Variants in AIG1 observed in about 807,000 individuals in gnomAD.
AIG1 encodes the protein androgen-induced gene 1 protein.
In AIG1, 23 loss-of-function variants were observed where a neutral mutation model predicts 31.4. That is an observed-to-expected ratio of 0.73 (90% CI 0.53 to 1.04). The LOEUF is 1.04. Among genes scored for constraint, AIG1 ranks in the 50% least tolerant of loss-of-function variants. AIG1 has a pLI of 0.00. For missense variants in AIG1, 274 were observed against 295.0 expected, an observed-to-expected ratio of 0.93 and a Z score of 0.52; for synonymous variants, 100 against 110.5, an observed-to-expected ratio of 0.90 and a Z score of 0.60.
chr6:143,264,918 T>C (rs1260133646), intron 3 of AIG1, among the ~76,000 whole-genome samples: 1 of 152,218 alleles, frequency 6.6e-6, no homozygotes, highest in Non-Finnish European at 1.5e-5. Context: ...GGCTGTGTAC[T>C]GACATTTGCA....
At chr6:143,109,860 C>T (rs1247497938) in intron 1 of AIG1, among the ~76,000 whole-genome samples, 1 of 152,158 alleles carries the variant, frequency 6.6e-6, no homozygotes, top group African/African-American at 2.4e-5. Flanking sequence ...TTTTGATCAA[C>T]TGAAGTTCTT....
At chr6:143,146,382 C>G (rs2128538520) in intron 2 of AIG1, among the ~76,000 whole-genome samples, 1 of 152,112 alleles carries the variant, frequency 6.6e-6, no homozygotes, top group African/African-American at 2.4e-5. Context: ...TTATATATGC[C>G]CTTGTTTTGG....
Position 143,092,279 on chromosome 6 carries a change from ATTTTTTT to A in AIG1, c.141+31227_141+31233del, listed in dbSNP as rs760340815. Among the ~76,000 whole-genome samples, 7 of 117,672 alleles carry A rather than the reference ATTTTTTT, an allele frequency of 5.9e-5. No individual in the cohort carries two copies. The East Asian group carries it at 7.3e-4, about 12-fold the overall frequency. 77.2% of individuals were successfully genotyped at this position (117,672 alleles called of 152,430 possible). ...ATCACCATGCTGGGCTAATTTTTTG[ATTTTTTT>A]TTTTTTTTTTTTTGTAGAGACAGGG... is the stretch of plus-strand genomic sequence containing the variant. On this transcript the variant is annotated intron_variant, in intron 1 of 5. Coordinates refer to ENST00000357847, the MANE Select transcript of AIG1 (RefSeq NM_016108.4).
chr6:143,172,246 C>T lies in AIG1; in HGVS notation c.399+7063C>T, dbSNP rs9390061. ...GCATTTGCTTTTGGGTTCTTGGTCACGAAGCCTTTGCCTAAGCCAATGTCT... is the reference window on the plus strand; with the variant it reads ...GCATTTGCTTTTGGGTTCTTGGTCATGAAGCCTTTGCCTAAGCCAATGTCT... On this transcript the variant is annotated intron_variant, in intron 3 of 5. Transcript: ENST00000357847. Among the ~76,000 whole-genome samples the T allele has an allele frequency of 3.2e-3, 493 of 152,194 alleles. 14 individuals are homozygous for T. In the East Asian group the frequency reaches 0.062, roughly 19 times the overall value.
intron 3 of AIG1, among the ~76,000 whole-genome samples, chr6:143,206,952 T>A (rs1791156185): frequency 6.6e-6 from 1 of 152,154 alleles, no homozygotes; most frequent in South Asian, 2.1e-4. Flanking sequence ...TTCTCTTATA[T>A]TTCAGTGCCT....
intron 3 of AIG1, chr6:143,189,583 G>T (rs1428159759): frequency 1.0e-6 from 1 of 985,218 alleles, no homozygotes; most frequent in Non-Finnish European, 1.2e-6. Flanking sequence ...GGAAAGTTCT[G>T]ACAGGAAACT....
At chr6:143,071,974 T>C (rs753571967) in intron 1 of AIG1, among the ~76,000 whole-genome samples, 9 of 151,404 alleles carry the variant, frequency 5.9e-5, no homozygotes, top group Non-Finnish European at 8.8e-5. Flanking sequence ...TTTTTTTTTG[T>C]GCAGACAGGG....
At chr6:143,100,774 C>T (rs1042283099) in intron 1 of AIG1, among the ~76,000 whole-genome samples, 2 of 151,876 alleles carry the variant, frequency 1.3e-5, no homozygotes, top group Admixed American at 6.6e-5. Context: ...CAACCTATGC[C>T]TCCAGGTTCA....
chr6:143,253,164 C>T (rs1480497778), intron 3 of AIG1, among the ~76,000 whole-genome samples: 1 of 152,216 alleles, frequency 6.6e-6, no homozygotes, highest in Non-Finnish European at 1.5e-5. Context: ...GAATACCGAG[C>T]ACTTGGAATC....
intron 3 of AIG1, among the ~76,000 whole-genome samples, chr6:143,277,189 G>T (rs974096349): frequency 6.6e-6 from 1 of 152,098 alleles, no homozygotes. Context: ...AGATAAAAAT[G>T]TTCTCATTTT....
chr6:143,316,305 A>G (rs1395662939), intron 4 of AIG1, among the ~76,000 whole-genome samples: 1 of 152,148 alleles, frequency 6.6e-6, no homozygotes, highest in Admixed American at 6.6e-5. Flanking sequence ...GTACCAAGAA[A>G]GATCCCCTTT....
intron 3 of AIG1, among the ~76,000 whole-genome samples, chr6:143,199,017 G>T (rs1562483276): frequency 6.6e-6 from 1 of 152,162 alleles, no homozygotes; most frequent in Admixed American, 6.5e-5. Context: ...GGAAGGAAAT[G>T]AATCATGGAA....
intron 3 of AIG1, among the ~76,000 whole-genome samples, chr6:143,201,536 G>A (rs1583492056): frequency 6.6e-6 from 1 of 152,270 alleles, no homozygotes; most frequent in Non-Finnish European, 1.5e-5. Flanking sequence ...AGCTCTTTGA[G>A]TCTGACCACA....
At chr6:143,078,001 T>A (rs1777887861) in intron 1 of AIG1, among the ~76,000 whole-genome samples, 1 of 152,224 alleles carries the variant, frequency 6.6e-6, no homozygotes, top group African/African-American at 2.4e-5. Flanking sequence ...GATATGCATG[T>A]CAGATCTTTT....
intron 3 of AIG1, chr6:143,190,078 C>A (rs1383318708): frequency 7.1e-6 from 5 of 699,450 alleles, no homozygotes; most frequent in Middle Eastern, 7.5e-4. Context: ...AGGATTCCAC[C>A]CCAGTGACCT....
chr6:143,273,098 C>T (rs754415383), intron 3 of AIG1, among the ~76,000 whole-genome samples: 1 of 152,164 alleles, frequency 6.6e-6, no homozygotes, highest in Non-Finnish European at 1.5e-5. Flanking sequence ...CATTGCACTC[C>T]AGTCTGGGCG....
chr6:143,314,178 A>G (rs939923894), intron 4 of AIG1, among the ~76,000 whole-genome samples: 2 of 119,136 alleles, frequency 1.7e-5, no homozygotes, highest in African/African-American at 3.2e-5. Flanking sequence ...GCTGGAACCC[A>G]TCTCTTAAAA....
At chr6:143,119,175 C>T (rs1425871417) in intron 1 of AIG1, among the ~76,000 whole-genome samples, 7 of 152,156 alleles carry the variant, frequency 4.6e-5, no homozygotes, top group Non-Finnish European at 2.9e-5. Context: ...GTGCTTATCA[C>T]CTGCTGACAA....
intron 3 of AIG1, chr6:143,190,168 A>C: frequency 1.0e-6 from 1 of 985,324 alleles, no homozygotes; most frequent in Non-Finnish European, 1.2e-6. Flanking sequence ...GAGGGGACAG[A>C]AACATTCAGC....
Sources: gnomAD v4.1 joint callset for allele counts (sites outside exome capture counted in the v4.1 genomes callset) on GRCh38, gnomAD v4.1.1 for gene constraint, MANE v1.5 for transcripts, NCBI Gene and HGNC (gene_info 2026-07-23, HGNC 2026-07-21) for gene names.